Variants in MED15 observed in about 807,000 individuals in gnomAD.
The protein encoded by MED15 is mediator complex subunit 15, also known as mediator of RNA polymerase II transcription subunit 15.
In MED15, 41 loss-of-function variants were observed where a neutral mutation model predicts 118.7. That is an observed-to-expected ratio of 0.35 (90% CI 0.27 to 0.45). MED15 has a LOEUF of 0.45. MED15 is among the 20% of genes least tolerant of loss of function. The pLI is 1.00. For missense variants in MED15, 740 were observed against 1,025.5 expected (o/e 0.72, Z 3.80); for synonymous variants, 436 against 413.9 (o/e 1.05, Z -0.65).
At chr22:20,514,848 C>T (rs749892465) in intron 1 of MED15, among the ~76,000 whole-genome samples, 9 of 152,302 alleles carry the variant, frequency 5.9e-5, no homozygotes, top group African/African-American at 1.2e-4. Context: ...TCAGCCTTGG[C>T]GGAGCTTTTT....
At chr22:20,527,879 C>T (rs1011224665) in intron 1 of MED15, among the ~76,000 whole-genome samples, 7 of 149,022 alleles carry the variant, frequency 4.7e-5, no homozygotes, top group South Asian at 2.1e-4. Context: ...ATCACTTGAA[C>T]GTGGGAGGCA....
rs1292775344 is a variant in MED15, at chr22:20,553,172, G to A, written c.236G>A (p.Ser79Asn). 1 of 1,611,986 alleles carries A rather than the reference G, an allele frequency of 6.2e-7. No homozygotes were observed. Among genetic ancestry groups the A allele is most frequent in the Non-Finnish European group, 8.5e-7 (1 of 1,178,864 alleles). The change falls in exon 4 of 18, where the codon AGT (serine) becomes AAT (asparagine). Residue 79 changes from serine to asparagine, a missense_variant and splice_region_variant. Ser to Asn is a conservative substitution (Grantham distance 46). Coordinates refer to ENST00000263205, the MANE Select transcript of MED15 (RefSeq NM_001003891.3). ...AACAAGAAATCTCAAGCTTCCGTCA[G>A]TGGTAAGAGTTTTCCCTTTTGAGTT... ...IHNKKSQASV[S>N]DPMNALQSLT...
chr22:20,572,489 A>C (rs1263801602), intron 8 of MED15, among the ~76,000 whole-genome samples: 3 of 152,254 alleles, frequency 2.0e-5, no homozygotes, highest in African/African-American at 7.2e-5. Flanking sequence ...CCTGGGACTG[A>C]GTATTCTAGA....
chr22:20,543,246 C>G (rs1430210431), intron 2 of MED15, among the ~76,000 whole-genome samples: 1 of 127,640 alleles, frequency 7.8e-6, no homozygotes, highest in East Asian at 2.4e-4. Context: ...GAGTCTCACT[C>G]TCTCGCCCAG....
At chr22:20,575,768 C>CA (rs61090860) in intron 9 of MED15, among the ~76,000 whole-genome samples, 3,183 of 146,672 alleles carry the variant, frequency 0.022, 57 homozygotes, top group Non-Finnish European at 0.029. Flanking sequence ...ATTTTAAAAA[C>CA]AAAAAAAAAA....
Position 20,566,772 on chromosome 22 carries a change from A to G in MED15, c.996A>G (p.Gln332=). ...CCCAGCCTTTGGTGTCACAGGCGCA[A>G]GCTCTCCCTGGACAAATGTTGTATA... ...SQTQPLVSQA[Q]ALPGQMLYTQ... Residue 332 remains glutamine (Q), a synonymous_variant, in exon 7 of 18, where the codon CAA becomes CAG. Transcript: ENST00000263205. 1 of 1,614,194 alleles carries G rather than the reference A, an allele frequency of 6.2e-7. No individual in the cohort carries two copies. Among genetic ancestry groups the G allele is most frequent in the Non-Finnish European group, 8.5e-7 (1 of 1,180,038 alleles).
intron 1 of MED15, among the ~76,000 whole-genome samples, chr22:20,534,252 C>A (rs2146430552): frequency 6.6e-6 from 1 of 152,206 alleles, no homozygotes; most frequent in East Asian, 1.9e-4. Context: ...TTCCCTGAGT[C>A]TCCCTATTGG....
intron 2 of MED15, chr22:20,551,119 C>T (rs981402322): frequency 7.1e-6 from 4 of 561,644 alleles, no homozygotes; most frequent in Non-Finnish European, 1.4e-5. Context: ...CCTGCCTGTC[C>T]CCTTTGTGAT....
At chr22:20,513,459 A>G (rs1214364586) in intron 1 of MED15, among the ~76,000 whole-genome samples, 1 of 151,738 alleles carries the variant, frequency 6.6e-6, no homozygotes, top group Non-Finnish European at 1.5e-5. Flanking sequence ...TTGTATTTTT[A>G]GTAGAGACGG....
chr22:20,576,154 C>A (rs1195084060), intron 9 of MED15, among the ~76,000 whole-genome samples: 1 of 152,210 alleles, frequency 6.6e-6, no homozygotes, highest in African/African-American at 2.4e-5. Flanking sequence ...TGCTAAGATT[C>A]TGAGAATAAA....
intron 2 of MED15, among the ~76,000 whole-genome samples, chr22:20,537,914 T>C (rs1179710290): frequency 6.6e-6 from 1 of 152,070 alleles, no homozygotes; most frequent in African/African-American, 2.4e-5. Flanking sequence ...GTGACTGAAG[T>C]GGGATAGAGT....
At chr22:20,533,327 G>A (rs77578350) in intron 1 of MED15, among the ~76,000 whole-genome samples, 4,519 of 152,350 alleles carry the variant, frequency 0.03, 229 homozygotes, top group African/African-American at 0.1. Flanking sequence ...CTGCAGGGAA[G>A]TGTGGGGGAT....
At chr22:20,562,380 A>C (rs74972844) in intron 5 of MED15, among the ~76,000 whole-genome samples, 3 of 150,752 alleles carry the variant, frequency 2.0e-5, no homozygotes, top group African/African-American at 7.3e-5. Context: ...AAGTATTGTC[A>C]TACTTTTTGT....
chr22:20,585,374 G>T, intron 16 of MED15, 107 bp downstream of exon 16: 1 of 1,419,712 alleles, frequency 7.0e-7, no homozygotes, highest in Non-Finnish European at 9.7e-7. Flanking sequence ...CCCACCCTGT[G>T]TTCACGCCCC....
intron 7 of MED15, among the ~76,000 whole-genome samples, chr22:20,567,625 A>C (rs1415046342): frequency 3.3e-5 from 5 of 152,008 alleles, no homozygotes; most frequent in Non-Finnish European, 7.4e-5. Flanking sequence ...GCAGACTGAA[A>C]CCCTTGTGTG....
Position 20,566,759 on chromosome 22 carries a change from T to C in MED15, c.983T>C (p.Val328Ala). Reference protein sequence around the residue: ...LPPQSQTQPLVSQAQALPGQM... With the variant: ...LPPQSQTQPLASQAQALPGQM... ...CCACAGTCGCAGACCCAGCCTTTGG[T>C]GTCACAGGCGCAAGCTCTCCCTGGA... The change falls in exon 7 of 18, where the codon GTG (valine) becomes GCG (alanine). Residue 328 changes from valine (V) to alanine (A), a missense_variant. Val to Ala is a moderately conservative substitution (Grantham distance 64). This residue lies in a region of MED15 where 384 missense variants were observed against 506.3 expected (regional missense o/e 0.76). Transcript: ENST00000263205. 2 of 1,614,182 alleles carry C rather than the reference T, an allele frequency of 1.2e-6. No individual in the cohort carries two copies. Among genetic ancestry groups the C allele is most frequent in the Non-Finnish European group, 1.7e-6 (2 of 1,180,036 alleles).
At chr22:20,529,082 T>G (rs1469154349) in intron 1 of MED15, among the ~76,000 whole-genome samples, 1 of 152,212 alleles carries the variant, frequency 6.6e-6, no homozygotes, top group Non-Finnish European at 1.5e-5. Context: ...TCTTGCTGTG[T>G]ACGTTACCAC....
intron 1 of MED15, among the ~76,000 whole-genome samples, chr22:20,511,454 T>C (rs2146330934): frequency 6.6e-6 from 1 of 150,442 alleles, no homozygotes; most frequent in South Asian, 2.1e-4. Context: ...TTCACACCAC[T>C]GCACTCCAAC....
chr22:20,523,007 C>G (rs2054515930), intron 1 of MED15: 1 of 152,172 alleles, frequency 6.6e-6, no homozygotes, highest in Non-Finnish European at 1.5e-5. Context: ...TCGTTCCATT[C>G]CGGATAACAT....
Sources: gnomAD v4.1 joint callset for allele counts (sites outside exome capture counted in the v4.1 genomes callset) on GRCh38, gnomAD v4.1.1 for gene constraint, gnomAD v4.1.1 regional missense constraint, MANE v1.5 for transcripts, NCBI Gene and HGNC (gene_info 2026-07-23, HGNC 2026-07-21) for gene names.